ZNF480: variants seen among roughly 807,000 people sequenced by gnomAD.
ZNF480 encodes zinc finger protein 480.
In ZNF480, 15 loss-of-function variants were observed where a neutral mutation model predicts 14.4. The observed-to-expected ratio is 1.04, with a 90% CI of 0.70 to 1.60. The LOEUF (loss-of-function observed/expected upper bound fraction) is 1.60, where lower values mean the gene tolerates loss of function less well. ZNF480 is among the 40% of genes most tolerant of loss of function. The pLI is 0.00. For missense variants in ZNF480, 593 were observed against 629.7 expected (o/e 0.94, Z 0.62); for synonymous variants, 218 against 215.5 (o/e 1.01, Z -0.10).
At chr19:52,314,837 A>G (rs939982186) in intron 3 of ZNF480, among the ~76,000 whole-genome samples, 3 of 151,880 alleles carry the variant, frequency 2.0e-5, no homozygotes, top group African/African-American at 7.3e-5. Flanking sequence ...CAAAAAACTA[A>G]AAACCTTGTT....
At position 52,322,907 on chromosome 19, in the gene ZNF480, C is replaced by G. The variant is rs544914334; in HGVS notation, c.*49C>G. On this transcript the variant is annotated 3_prime_UTR_variant, in exon 5 of 5. Coordinates refer to ENST00000595962, the MANE Select transcript of ZNF480 (RefSeq NM_144684.4). ...TCAAAGAATTTAGTGTGCACTCAAG[C>G]CTTACTACCCATCTTTTATTCCATA... 6.8e-7 allele frequency: 1 copy of G among 1,477,750 alleles called. No homozygotes were observed. Among genetic ancestry groups the G allele is most frequent in the South Asian group, 1.4e-5 (1 of 69,306 alleles). The allele number at this position is 1,477,750 out of a possible 1,614,324, so 91.5% of individuals were successfully genotyped here.
intron 1 of ZNF480, 97 bp downstream of exon 1, chr19:52,297,320 C>A: frequency 2.4e-6 from 1 of 411,874 alleles, no homozygotes; most frequent in Non-Finnish European, 4.8e-6. Flanking sequence ...GAAATCCTCG[C>A]ACCGCTCCCT....
intron 2 of ZNF480, among the ~76,000 whole-genome samples, chr19:52,312,621 GT>G (rs1314857020): frequency 6.6e-6 from 1 of 152,172 alleles, no homozygotes; most frequent in Non-Finnish European, 1.5e-5. Context: ...TTACTTTGCT[GT>G]TTTTAGTCCT....
intron 2 of ZNF480, among the ~76,000 whole-genome samples, chr19:52,302,396 A>G (rs1337500840): frequency 2.0e-5 from 3 of 152,146 alleles, no homozygotes; most frequent in Non-Finnish European, 2.9e-5. Context: ...TTAGGGAGAG[A>G]TTCATTCTTT....
At chr19:52,313,794 C>T (rs781029013) in intron 2 of ZNF480, 24 of 444,802 alleles carry the variant, frequency 5.4e-5, no homozygotes, top group Non-Finnish European at 8.1e-5. Flanking sequence ...GCCTGGCCAA[C>T]GTGGTGAAAT....
chr19:52,323,634 G>A lies in ZNF480; in HGVS notation c.*776G>A, dbSNP rs957956883. 6.6e-5 allele frequency: 10 copies of A among 152,108 alleles called. No individual in the cohort carries two copies. The highest frequency in any genetic ancestry group is 1.3e-4 in the Admixed American group (2 of 15,258). 9.4% of individuals were successfully genotyped at this position (152,108 alleles called of 1,614,324 possible). ...GCAGGCTTTAGTGTTGGGCTGCAAG[G>A]TTGGTTCAGTATACACAAATCAATA... On this transcript the variant is annotated 3_prime_UTR_variant, in exon 5 of 5. Coordinates refer to ENST00000595962, the MANE Select transcript of ZNF480 (RefSeq NM_144684.4).
Position 52,321,816 on chromosome 19 carries a change from T to C in ZNF480, c.566T>C (p.Phe189Ser), listed in dbSNP as rs761297544. The change falls in exon 5 of 5, where the codon TTT (phenylalanine) becomes TCT (serine). Residue 189 changes from phenylalanine (F) to serine (S), a missense_variant. Transcript: ENST00000595962. ...FNRNDFDDSS[F>S]LPQEQKVHLR... Reference sequence around the variant, plus strand: ...AGGAATGATTTTGATGATTCTTCATTTCTCCCACAAGAACAGAAAGTACAC... The same window carrying C: ...AGGAATGATTTTGATGATTCTTCATCTCTCCCACAAGAACAGAAAGTACAC... The C allele has an allele frequency of 1.2e-6, 2 of 1,613,926 alleles. No homozygotes were observed. Among genetic ancestry groups the C allele is most frequent in the South Asian group, 2.2e-5 (2 of 91,046 alleles).
chr19:52,323,039 T>A lies in ZNF480; in HGVS notation c.*181T>A. The stretch of plus-strand genomic sequence containing the variant: ...TACTGGAGAGACTTCACAATTATAA[T>A]AAATGTGTGGAAAAGTCTTCAAAAA... On this transcript the variant is annotated 3_prime_UTR_variant, in exon 5 of 5. Transcript: ENST00000595962. 2.0e-6 allele frequency: 1 copy of A among 488,396 alleles called. No individual in the cohort carries two copies. Among genetic ancestry groups the A allele is most frequent in the Non-Finnish European group, 3.4e-6 (1 of 293,626 alleles). 30.3% of individuals were successfully genotyped at this position (488,396 alleles called of 1,614,324 possible).
At chr19:52,305,256 G>A (rs371143004) in intron 2 of ZNF480, among the ~76,000 whole-genome samples, 78 of 152,246 alleles carry the variant, frequency 5.1e-4, no homozygotes, top group African/African-American at 1.7e-3. Context: ...TTGGCCACAC[G>A]GACAGCCAGT....
At chr19:52,311,417 G>C (rs1016260814) in intron 2 of ZNF480, among the ~76,000 whole-genome samples, 1 of 152,040 alleles carries the variant, frequency 6.6e-6, no homozygotes, top group African/African-American at 2.4e-5. Flanking sequence ...TCCTCAAGCA[G>C]ACCTCCCACC....
intron 2 of ZNF480, chr19:52,301,643 A>G (rs1427725622): frequency 6.6e-6 from 1 of 152,154 alleles, no homozygotes; most frequent in Non-Finnish European, 1.5e-5. Context: ...TTTTTCTGCC[A>G]ATTATTTACG....
At position 52,322,075 on chromosome 19, in the gene ZNF480, A is replaced by G; in HGVS notation, c.825A>G (p.Ala275=). Residue 275 remains alanine, a synonymous_variant, in exon 5 of 5, where the codon GCA becomes GCG. Transcript: ENST00000595962. ...TTTTTAGTTACAATTCAAACTTTGC[A>G]CGACATCAAAGAATTCATACCAGAG... The part of the protein sequence containing the change: ...GKVFSYNSNF[A]RHQRIHTREK... 1 of 1,614,068 alleles carries G rather than the reference A, an allele frequency of 6.2e-7. No individual in the cohort carries two copies. The highest frequency in any genetic ancestry group is 8.5e-7 in the Non-Finnish European group (1 of 1,179,990).
intron 2 of ZNF480, among the ~76,000 whole-genome samples, chr19:52,311,406 G>A (rs1369058581): frequency 1.3e-5 from 2 of 152,042 alleles, no homozygotes; most frequent in Non-Finnish European, 2.9e-5. Flanking sequence ...TCAAACCCCT[G>A]TCCTCAAGCA....
intron 1 of ZNF480, among the ~76,000 whole-genome samples, chr19:52,300,121 G>A (rs1237778817): frequency 6.6e-6 from 1 of 152,254 alleles, no homozygotes; most frequent in East Asian, 1.9e-4. Context: ...TCAGGGCTGG[G>A]TCTGGCCCTG....
chr19:52,314,500 C>CA (rs1436420760), intron 3 of ZNF480, among the ~76,000 whole-genome samples: 6 of 107,982 alleles, frequency 5.6e-5, no homozygotes, highest in Non-Finnish European at 1.1e-4. Context: ...AAAAAAAAAC[C>CA]AAAAAAACCC....
At chr19:52,303,333 G>A (rs955263689) in intron 2 of ZNF480, among the ~76,000 whole-genome samples, 1 of 152,134 alleles carries the variant, frequency 6.6e-6, no homozygotes. Context: ...TTTGGAAAGT[G>A]ATTATTAAGC....
rs1341136013 is a variant in ZNF480, at chr19:52,322,793, G to A, written c.1543G>A (p.Glu515Lys). 5.6e-6 allele frequency: 9 copies of A among 1,612,214 alleles called. No individual in the cohort carries two copies. Among genetic ancestry groups the A allele is most frequent in the East Asian group, 2.2e-5 (1 of 44,852 alleles). The change falls in exon 5 of 5, where the codon GAG (glutamate) becomes AAG (lysine). Residue 515 changes from glutamate (E) to lysine (K), a missense_variant. By Grantham distance (56) the Glu-to-Lys change is moderately conservative. Coordinates refer to ENST00000595962, the MANE Select transcript of ZNF480 (RefSeq NM_144684.4). ...HTGEKPYKCN[E>K]CGKAFSRISY... ...TGGAGAGAAACCTTACAAATGTAAT[G>A]AGTGTGGCAAGGCCTTTAGTCGCAT...
intron 2 of ZNF480, among the ~76,000 whole-genome samples, chr19:52,310,015 T>C (rs569110249): frequency 5.3e-5 from 8 of 151,976 alleles, no homozygotes; most frequent in African/African-American, 1.7e-4. Context: ...TTCAATATAT[T>C]TTTTTCTTTT....
At chr19:52,320,748 A>C (rs321902) in intron 4 of ZNF480, among the ~76,000 whole-genome samples, 3 of 152,014 alleles carry the variant, frequency 2.0e-5, no homozygotes, top group Non-Finnish European at 2.9e-5. Flanking sequence ...CTGAGATTGC[A>C]TCATTGTACT....
Sources: gnomAD v4.1 joint callset for allele counts (sites outside exome capture counted in the v4.1 genomes callset) on GRCh38, gnomAD v4.1.1 for gene constraint, MANE v1.5 for transcripts, NCBI Gene and HGNC (gene_info 2026-07-23, HGNC 2026-07-21) for gene names.